The following CCDC85C variants were observed in gnomAD, a reference collection of about 807,000 sequenced individuals.
CCDC85C encodes coiled-coil domain-containing protein 85C.
In CCDC85C, 18 loss-of-function variants were observed where a neutral mutation model predicts 38.3. That is an observed-to-expected ratio of 0.47 (90% CI 0.33 to 0.70). The LOEUF (loss-of-function observed/expected upper bound fraction) is 0.70, where lower values mean the gene tolerates loss of function less well. CCDC85C is among the 30% of genes least tolerant of loss of function. CCDC85C has a pLI of 0.03. For synonymous variants in CCDC85C, 264 were observed against 293.8 expected, an observed-to-expected ratio of 0.90 and a Z score of 1.04; for missense variants, 566 against 621.2, an observed-to-expected ratio of 0.91 and a Z score of 0.94.
intron 2 of CCDC85C, among the ~76,000 whole-genome samples, chr14:99,530,451 C>T (rs1897470415): frequency 6.6e-6 from 1 of 152,068 alleles, no homozygotes; most frequent in South Asian, 2.1e-4. Context: ...AACAGAGATG[C>T]CCACGTGGAC....
rs1163215992 is a variant in CCDC85C, at chr14:99,509,818, CAG to C, written c.*5426_*5427del. 6 of 363,860 alleles carry C rather than the reference CAG, an allele frequency of 1.6e-5. No homozygotes were observed. The highest frequency in any genetic ancestry group is 3.0e-5 in the Non-Finnish European group (6 of 200,946). 22.5% of individuals were successfully genotyped at this position (363,860 alleles called of 1,614,324 possible). On this transcript the variant is annotated 3_prime_UTR_variant, in exon 6 of 6. Coordinates refer to ENST00000380243, the MANE Select transcript of CCDC85C (RefSeq NM_001144995.2). The stretch of plus-strand genomic sequence containing the variant: ...GGGTCAGTTTCTGAAGGCAGAAAAA[CAG>C]AGGAGCCCCCACACGTTTTGCACTA...
chr14:99,503,169 C>T lies in CCDC85C; in HGVS notation c.*12077G>A, dbSNP rs1896882396. ...CAAAGGTGCTCCAAGGACAGGCTGC[C>T]TCTGAGAACCAGGAGGGGGCTCTCT... On this transcript the variant is annotated 3_prime_UTR_variant, in exon 6 of 6. Transcript: ENST00000380243. 2 of 742,622 alleles carry T rather than the reference C, an allele frequency of 2.7e-6. No homozygotes were observed. The highest frequency in any genetic ancestry group is 2.0e-5 in the Admixed American group (1 of 50,138). 46.0% of individuals were successfully genotyped at this position (742,622 alleles called of 1,614,324 possible).
intron 2 of CCDC85C, among the ~76,000 whole-genome samples, chr14:99,524,100 G>GA (rs1897340124): frequency 6.7e-6 from 1 of 148,588 alleles, no homozygotes; most frequent in Non-Finnish European, 1.5e-5. Context: ...ACTTAAGGGC[G>GA]AAAATTCCAA....
Position 99,503,627 on chromosome 14 carries a change from A to G in CCDC85C, c.*11619T>C, listed in dbSNP as rs934877498. 7.7e-6 allele frequency: 12 copies of G among 1,560,544 alleles called. No individual in the cohort carries two copies. The highest frequency in any genetic ancestry group is 9.6e-6 in the Non-Finnish European group (11 of 1,150,278). ...TTGTAACAGGTTGTTTCTCCCAAAG[A>G]AGAGAACAAAGCAGCAGGTAATTTC... On this transcript the variant is annotated 3_prime_UTR_variant, in exon 6 of 6. Coordinates refer to ENST00000380243, the MANE Select transcript of CCDC85C (RefSeq NM_001144995.2).
intron 1 of CCDC85C, among the ~76,000 whole-genome samples, chr14:99,591,568 C>A (rs1477333143): frequency 6.6e-6 from 1 of 151,958 alleles, no homozygotes; most frequent in Admixed American, 6.6e-5. Flanking sequence ...GGAGGCAGGA[C>A]GGGGGGGCCA....
intron 2 of CCDC85C, among the ~76,000 whole-genome samples, chr14:99,531,113 C>T (rs575189263): frequency 4.6e-5 from 7 of 152,152 alleles, no homozygotes; most frequent in East Asian, 1.9e-4. Context: ...CCCTTTGGTA[C>T]GTGGCAGGCC....
chr14:99,515,388 G>T, intron 5 of CCDC85C, 53 bp from the exon 6 acceptor site: 1 of 1,334,658 alleles, frequency 7.5e-7, no homozygotes, highest in Non-Finnish European at 1.0e-6. Context: ...TCCACCTGCC[G>T]CCTATGCACA....
chr14:99,552,873 C>G (rs769708630), intron 1 of CCDC85C, among the ~76,000 whole-genome samples: 2 of 152,222 alleles, frequency 1.3e-5, no homozygotes, highest in African/African-American at 4.8e-5. Flanking sequence ...TCCTGCATGG[C>G]TCTTGGCACC....
rs1227474854 is a variant in CCDC85C, at chr14:99,511,240, G to GGCA, written c.*4003_*4005dup. 6.5e-6 allele frequency: 1 copy of GGCA among 152,802 alleles called. No individual in the cohort carries two copies. The highest frequency in any genetic ancestry group is 1.5e-5 in the Non-Finnish European group (1 of 68,506). 9.5% of individuals were successfully genotyped at this position (152,802 alleles called of 1,614,324 possible). A position where few individuals can be genotyped will look rare whatever the true frequency, so the allele number is the denominator to read the frequency against. On this transcript the variant is annotated 3_prime_UTR_variant, in exon 6 of 6. Coordinates refer to ENST00000380243, the MANE Select transcript of CCDC85C (RefSeq NM_001144995.2). Reference sequence around the variant, plus strand: ...ATTCTCTCCCATGACACCCAGAAGGGGCAGAAGAACCACATTTTTCATTTA... The same window carrying GGCA: ...ATTCTCTCCCATGACACCCAGAAGGGGCAGCAGAAGAACCACATTTTTCATTTA...
intron 2 of CCDC85C, among the ~76,000 whole-genome samples, chr14:99,532,301 C>G (rs968975000): frequency 6.6e-6 from 1 of 152,294 alleles, no homozygotes; most frequent in East Asian, 1.9e-4. Flanking sequence ...ATCTTCCTGG[C>G]GCCTCCCTGA....
At chr14:99,534,741 T>C in intron 2 of CCDC85C, 1 of 702,140 alleles carries the variant, frequency 1.4e-6, no homozygotes, top group South Asian at 1.5e-5. Context: ...GGAGCCCCAC[T>C]CCACAGACAG....
chr14:99,527,206 G>A (rs1203042642), intron 2 of CCDC85C, among the ~76,000 whole-genome samples: 3 of 152,232 alleles, frequency 2.0e-5, no homozygotes, highest in Non-Finnish European at 4.4e-5. Flanking sequence ...AGGTAGACTT[G>A]GCACTGTGTA....
Position 99,501,637 on chromosome 14 carries a change from T to G in CCDC85C, c.*13609A>C. The G allele has an allele frequency of 1.9e-6, 1 of 520,774 alleles. No homozygotes were observed. Among genetic ancestry groups the G allele is most frequent in the East Asian group, 3.2e-5 (1 of 31,626 alleles). 32.3% of individuals were successfully genotyped at this position (520,774 alleles called of 1,614,324 possible). A position where few individuals can be genotyped will look rare whatever the true frequency, so the allele number is the denominator to read the frequency against. On this transcript the variant is annotated 3_prime_UTR_variant, in exon 6 of 6. Coordinates refer to ENST00000380243, the MANE Select transcript of CCDC85C (RefSeq NM_001144995.2). ...CATGGTGTTGTGAGGTGCTGAAATT[T>G]TATCACCAGTCTGAAACATAAGTCC... is the stretch of plus-strand genomic sequence containing the variant.
chr14:99,523,896 C>T (rs547113155), intron 2 of CCDC85C, among the ~76,000 whole-genome samples: 43 of 152,150 alleles, frequency 2.8e-4, no homozygotes, highest in African/African-American at 7.7e-4. Context: ...ACTCACGGCC[C>T]GCAGGTGGAG....
chr14:99,597,657 T>C (rs183484987), intron 1 of CCDC85C, among the ~76,000 whole-genome samples: 1 of 152,096 alleles, frequency 6.6e-6, no homozygotes, highest in African/African-American at 2.4e-5. Flanking sequence ...CTAAGAGTTA[T>C]CTCCCCACAC....
At position 99,570,848 on chromosome 14, in the gene CCDC85C, G is replaced by A. The variant is rs564288628; in HGVS notation, c.793+32319C>T. On this transcript the variant is annotated intron_variant, in intron 1 of 5. Transcript: ENST00000380243. ...AAAAGGAGAAGGGCAGAGCCGCCCC[G>A]CTGGGTGGGCACAGGCAACCAACTG... is the stretch of plus-strand genomic sequence containing the variant. Among the ~76,000 whole-genome samples the A allele has an allele frequency of 1.6e-3, 192 of 118,668 alleles. 2 individuals carry two copies. The highest frequency in any genetic ancestry group is 5.8e-3 in the African/African-American group (173 of 29,888). The allele number at this position is 118,668 out of a possible 152,430, so 77.9% of individuals were successfully genotyped here.
intron 1 of CCDC85C, among the ~76,000 whole-genome samples, chr14:99,537,910 A>G (rs2139921262): frequency 6.6e-6 from 1 of 152,256 alleles, no homozygotes; most frequent in South Asian, 2.1e-4. Context: ...AGGCTCCCCA[A>G]ACCTTCATGT....
chr14:99,560,453 C>G (rs1213538907), intron 1 of CCDC85C, among the ~76,000 whole-genome samples: 1 of 152,212 alleles, frequency 6.6e-6, no homozygotes, highest in Non-Finnish European at 1.5e-5. Context: ...TCAGGGGAGG[C>G]AGGAGAGCCA....
chr14:99,528,762 G>T (rs1897437439), intron 2 of CCDC85C, among the ~76,000 whole-genome samples: 1 of 152,068 alleles, frequency 6.6e-6, no homozygotes, highest in African/African-American at 2.4e-5. Flanking sequence ...CATACCAACT[G>T]GATTTACTTT....
Sources: allele counts gnomAD v4.1 joint callset (sites outside exome capture counted in the v4.1 genomes callset), GRCh38; gene constraint gnomAD v4.1.1; transcripts MANE v1.5; gene names NCBI Gene and HGNC (gene_info 2026-07-23, HGNC 2026-07-21).